Variants in SSPN observed in about 807,000 individuals in gnomAD.
SSPN encodes the protein K-ras oncogene-associated protein.
In SSPN, 15 loss-of-function variants were observed where a neutral mutation model predicts 19.1. The observed-to-expected ratio is 0.78, with a 90% CI of 0.52 to 1.21. SSPN has a LOEUF of 1.21. Among genes scored for constraint, SSPN ranks in the 50% most tolerant of loss-of-function variants. SSPN has a pLI of 0.00. For synonymous variants in SSPN, 147 were observed against 140.3 expected (o/e 1.05, Z -0.34); for missense variants, 291 against 314.0 (o/e 0.93, Z 0.55).
chr12:26,195,606 G>A lies in SSPN; in HGVS notation c.-67G>A. 7.5e-7 allele frequency: 1 copy of A among 1,341,830 alleles called. No homozygotes were observed. Among genetic ancestry groups the A allele is most frequent in the Non-Finnish European group, 9.5e-7 (1 of 1,053,376 alleles). 83.1% of individuals were successfully genotyped at this position (1,341,830 alleles called of 1,614,324 possible). The stretch of plus-strand genomic sequence containing the variant: ...AATACCAGGGCAGGCCGAGCCAGCC[G>A]TGCGCCGCGCTCCAGGGCCCAGGGC... On this transcript the variant is annotated 5_prime_UTR_variant, in exon 1 of 3. In the 5' UTR this introduces an upstream ATG that the reference lacks. Transcript: ENST00000242729.
intron 1 of SSPN, among the ~76,000 whole-genome samples, chr12:26,146,811 G>T: frequency 6.4e-5 from 1 of 15,598 alleles, no homozygotes; most frequent in Non-Finnish European, 1.9e-3. Flanking sequence ...GACAGAGCAA[G>T]GCTGTCTAAA....
chr12:26,193,819 C>G (rs1170747700), upstream of SSPN, among the ~76,000 whole-genome samples: 1 of 152,186 alleles, frequency 6.6e-6, no homozygotes, highest in Non-Finnish European at 1.5e-5. Flanking sequence ...TATTTGTTCC[C>G]TGAACCATTA....
intron 1 of SSPN, among the ~76,000 whole-genome samples, chr12:26,200,795 C>T (rs989746737): frequency 4.0e-5 from 6 of 151,650 alleles, no homozygotes; most frequent in African/African-American, 7.3e-5. Flanking sequence ...AATATAATGT[C>T]GCATCCCTGG....
intron 2 of SSPN, 111 bp from the exon 3 acceptor site, chr12:26,230,600 A>G (rs572308549): frequency 1.5e-6 from 2 of 1,294,238 alleles, no homozygotes; most frequent in Non-Finnish European, 1.0e-6. Context: ...CAGCCTTTCC[A>G]TCAGAAAATT....
chr12:26,230,659 C>T (rs1371560968), intron 2 of SSPN, 52 bp from the exon 3 acceptor site: 1 of 1,530,492 alleles, frequency 6.5e-7, no homozygotes, highest in African/African-American at 1.4e-5. Flanking sequence ...CTTTGCAAAT[C>T]ATCATCCAAT....
intron 1 of SSPN, among the ~76,000 whole-genome samples, chr12:26,137,993 C>T (rs1944438560): frequency 1.3e-5 from 2 of 151,880 alleles, no homozygotes; most frequent in African/African-American, 4.8e-5. Context: ...ACAGTTGTCC[C>T]TCAGTATCCA....
chr12:26,221,288 T>G (rs1945117808), intron 1 of SSPN, among the ~76,000 whole-genome samples: 1 of 152,216 alleles, frequency 6.6e-6, no homozygotes. Flanking sequence ...TCCAGGAAGT[T>G]TTCATCAGGG....
intron 1 of SSPN, among the ~76,000 whole-genome samples, chr12:26,128,329 G>A (rs1221996525): frequency 1.3e-5 from 2 of 152,202 alleles, no homozygotes; most frequent in African/African-American, 2.4e-5. Flanking sequence ...GAAAAGCTAT[G>A]GCAAGAAGAG....
At chr12:26,208,776 A>G (rs896641973) in intron 1 of SSPN, among the ~76,000 whole-genome samples, 1 of 152,050 alleles carries the variant, frequency 6.6e-6, no homozygotes, top group Non-Finnish European at 1.5e-5. Flanking sequence ...TTTTTCTCAC[A>G]TGGATTGATA....
intron 1 of SSPN, among the ~76,000 whole-genome samples, chr12:26,127,592 T>C (rs1405031133): frequency 1.3e-5 from 2 of 152,208 alleles, no homozygotes; most frequent in Non-Finnish European, 2.9e-5. Context: ...CTGTCTTTCC[T>C]TTACATATTC....
intron 1 of SSPN, among the ~76,000 whole-genome samples, chr12:26,206,745 G>T (rs1438870105): frequency 6.6e-6 from 1 of 152,100 alleles, no homozygotes; most frequent in African/African-American, 2.4e-5. Context: ...TAACAATTCT[G>T]CCCCTCCTGT....
Position 26,231,868 on chromosome 12 carries a change from T to G in SSPN, c.*792T>G. On this transcript the variant is annotated 3_prime_UTR_variant, in exon 3 of 3. Coordinates refer to ENST00000242729, the MANE Select transcript of SSPN (RefSeq NM_005086.5). ...ATCATTAAAACTAATTTCTAGCTAA[T>G]TGTTAATTATAATTATGCTCAGAAG... 3.5e-6 allele frequency: 3 copies of G among 853,956 alleles called. No homozygotes were observed. The highest frequency in any genetic ancestry group is 2.8e-6 in the Non-Finnish European group (2 of 709,924). 52.9% of individuals were successfully genotyped at this position (853,956 alleles called of 1,614,324 possible).
At chr12:26,130,716 A>T (rs556657589) in intron 1 of SSPN, among the ~76,000 whole-genome samples, 28 of 152,190 alleles carry the variant, frequency 1.8e-4, no homozygotes, top group Non-Finnish European at 3.7e-4. Context: ...AGAAGTCTGA[A>T]GGTAAGCAGT....
chr12:26,124,544 C>G, intron 1 of SSPN: 1 of 1,614,134 alleles, frequency 6.2e-7, no homozygotes, highest in South Asian at 1.1e-5. Context: ...TTTCATGCTC[C>G]TTTTGGGTTT....
At position 26,216,350 on chromosome 12, in the gene SSPN, T is replaced by C. The variant is rs888961309; in HGVS notation, c.280-7943T>C. On this transcript the variant is annotated intron_variant, in intron 1 of 2. Transcript: ENST00000242729. ...TGATGATGAGCATTTTTTCATGTGTTTTTTGGCTGCATAAATGTCTTCTTT... is the reference window on the plus strand; with the variant it reads ...TGATGATGAGCATTTTTTCATGTGTCTTTTGGCTGCATAAATGTCTTCTTT... Among the ~76,000 whole-genome samples the C allele has an allele frequency of 3.3e-5, 5 of 152,170 alleles. No individual in the cohort carries two copies. The South Asian group carries it at 8.3e-4, about 25-fold the overall frequency.
At position 26,231,088 on chromosome 12, in the gene SSPN, A is replaced by C. The variant is rs1381040129; in HGVS notation, c.*12A>C. 6.2e-7 allele frequency: 1 copy of C among 1,602,414 alleles called. No individual in the cohort carries two copies. Among genetic ancestry groups the C allele is most frequent in the African/African-American group, 1.3e-5 (1 of 74,584 alleles). On this transcript the variant is annotated 3_prime_UTR_variant, in exon 3 of 3. Coordinates refer to ENST00000242729, the MANE Select transcript of SSPN (RefSeq NM_005086.5). ...AGCAAAAGATCTAACATTCTTGCTC[A>C]AAGTTGCGAGAGAAAGTAGCACATG... is the stretch of plus-strand genomic sequence containing the variant.
chr12:26,198,174 GGT>G (rs1944847076), intron 1 of SSPN, among the ~76,000 whole-genome samples: 1 of 148,856 alleles, frequency 6.7e-6, no homozygotes, highest in Non-Finnish European at 1.5e-5. Context: ...TTTGGGGGGG[GGT>G]TTTTGGAGAC....
At chr12:26,219,345 T>C (rs1945093986) in intron 1 of SSPN, among the ~76,000 whole-genome samples, 1 of 151,904 alleles carries the variant, frequency 6.6e-6, no homozygotes, top group Non-Finnish European at 1.5e-5. Context: ...AATAAGCAGG[T>C]AAATCTCCGA....
chr12:26,167,399 A>G (rs1944627944), intron 1 of SSPN, among the ~76,000 whole-genome samples: 4 of 152,248 alleles, frequency 2.6e-5, no homozygotes, highest in Admixed American at 2.6e-4. Context: ...GCAGCTCTCT[A>G]TAAGACTGAA....
Sources: allele counts gnomAD v4.1 joint callset (sites outside exome capture counted in the v4.1 genomes callset), GRCh38; gene constraint gnomAD v4.1.1; transcripts MANE v1.5; gene names NCBI Gene and HGNC (gene_info 2026-07-23, HGNC 2026-07-21).